Variants in CDK6 observed in about 807,000 individuals in gnomAD.
CDK6 encodes cyclin dependent kinase 6, also known as cyclin-dependent kinase 6.
A neutral mutation model predicts 37.1 loss-of-function variants in CDK6; 6 were observed. That is an observed-to-expected ratio of 0.16 (90% CI 0.09 to 0.32). The LOEUF is 0.32. CDK6 is among the 10% of genes least tolerant of loss of function. CDK6 has a pLI of 1.00. For missense variants in CDK6, 224 were observed against 418.9 expected, an observed-to-expected ratio of 0.53 and a Z score of 4.06; for synonymous variants, 160 against 161.3, an observed-to-expected ratio of 0.99 and a Z score of 0.06.
intron 4 of CDK6, among the ~76,000 whole-genome samples, chr7:92,671,845 C>A (rs535012141): frequency 2.6e-4 from 40 of 151,666 alleles, no homozygotes; most frequent in African/African-American, 8.5e-4. Context: ...TTTCTCCCCC[C>A]CTTTAAGGGC....
intron 4 of CDK6, among the ~76,000 whole-genome samples, chr7:92,676,744 C>G (rs1206091224): frequency 1.3e-5 from 2 of 151,954 alleles, no homozygotes; most frequent in Non-Finnish European, 2.9e-5. Context: ...CTAAAGAAAA[C>G]TAGTATGGTT....
At position 92,605,878 on chromosome 7, in the gene CDK6, A is replaced by G. The variant is rs1240646285; in HGVS notation, c.*9262T>C. On this transcript the variant is annotated 3_prime_UTR_variant, in exon 8 of 8. Coordinates refer to ENST00000424848, the MANE Select transcript of CDK6 (RefSeq NM_001145306.2). The stretch of plus-strand genomic sequence containing the variant: ...CGACAGGCCACTGTGGTAACTCTCA[A>G]TCTGTGTACAGAGAAAAGAGAAGCA... 1 of 233,504 alleles carries G rather than the reference A, an allele frequency of 4.3e-6. No individual in the cohort carries two copies. Among genetic ancestry groups the G allele is most frequent in the Non-Finnish European group, 8.5e-6 (1 of 118,038 alleles). The allele number at this position is 233,504 out of a possible 1,614,324, so 14.5% of individuals were successfully genotyped here. A position where few individuals can be genotyped will look rare whatever the true frequency, so the allele number is the denominator to read the frequency against.
chr7:92,799,662 T>C (rs1201268284), intron 2 of CDK6, among the ~76,000 whole-genome samples: 1 of 152,172 alleles, frequency 6.6e-6, no homozygotes, highest in Non-Finnish European at 1.5e-5. Context: ...AACAAGTCAC[T>C]TAGCTGGTGA....
chr7:92,720,037 T>C (rs1798329426), intron 4 of CDK6, among the ~76,000 whole-genome samples: 1 of 152,186 alleles, frequency 6.6e-6, no homozygotes, highest in Non-Finnish European at 1.5e-5. Context: ...TAAGCAATGA[T>C]ACTTTTATAA....
At chr7:92,740,004 T>G (rs1157182640) in intron 3 of CDK6, among the ~76,000 whole-genome samples, 1 of 152,198 alleles carries the variant, frequency 6.6e-6, no homozygotes, top group Non-Finnish European at 1.5e-5. Flanking sequence ...GTAACTCTTC[T>G]GTCTTGGCCT....
chr7:92,773,234 A>G lies in CDK6; in HGVS notation c.369+1462T>C, dbSNP rs142992862. Among the ~76,000 whole-genome samples, 1,489 of 152,312 alleles carry G rather than the reference A, an allele frequency of 9.8e-3. 23 individuals are homozygous for G. The highest frequency in any genetic ancestry group is 0.033 in the African/African-American group (1,356 of 41,554). On this transcript the variant is annotated intron_variant, in intron 3 of 7. Coordinates refer to ENST00000424848, the MANE Select transcript of CDK6 (RefSeq NM_001145306.2). ...CAGAAAACAAGATAAAGAGGTAGAG[A>G]TATGCAGAACAAGTGTTATAAGGCA...
chr7:92,689,600 T>G (rs570137671), intron 4 of CDK6, among the ~76,000 whole-genome samples: 1 of 152,314 alleles, frequency 6.6e-6, no homozygotes, highest in South Asian at 2.1e-4. Flanking sequence ...AACATGCACG[T>G]GCATGTGTCT....
chr7:92,635,741 T>A (rs1414380385), intron 5 of CDK6, among the ~76,000 whole-genome samples: 2 of 152,226 alleles, frequency 1.3e-5, no homozygotes, highest in Non-Finnish European at 2.9e-5. Context: ...TTTGGTCCTA[T>A]CTTTGGCCCA....
At chr7:92,665,235 T>C (rs1796930099) in intron 5 of CDK6, among the ~76,000 whole-genome samples, 1 of 152,098 alleles carries the variant, frequency 6.6e-6, no homozygotes, top group Admixed American at 6.5e-5. Context: ...TTTTGCTGTA[T>C]AGTTAAAAAT....
chr7:92,686,060 A>G (rs1004861444), intron 4 of CDK6, among the ~76,000 whole-genome samples: 64 of 152,220 alleles, frequency 4.2e-4, no homozygotes, highest in Admixed American at 4.2e-3. Context: ...TCTTTAAACT[A>G]AATTTGTTGG....
intron 3 of CDK6, among the ~76,000 whole-genome samples, chr7:92,763,172 C>T (rs1014094210): frequency 6.6e-6 from 1 of 152,126 alleles, no homozygotes; most frequent in African/African-American, 2.4e-5. Flanking sequence ...TTGCTAAAGG[C>T]CTAGAATGAC....
At chr7:92,659,112 A>G (rs1315553222) in intron 5 of CDK6, among the ~76,000 whole-genome samples, 2 of 152,350 alleles carry the variant, frequency 1.3e-5, no homozygotes, top group East Asian at 1.9e-4. Flanking sequence ...TGAGACTTCA[A>G]TGAGAAGGGC....
chr7:92,637,404 C>G (rs1228329856), intron 5 of CDK6, among the ~76,000 whole-genome samples: 1 of 152,096 alleles, frequency 6.6e-6, no homozygotes, highest in Non-Finnish European at 1.5e-5. Flanking sequence ...TTCTTTCAAA[C>G]TATAAAATAA....
intron 5 of CDK6, among the ~76,000 whole-genome samples, chr7:92,657,046 A>ATTTC (rs1796714888): frequency 6.6e-6 from 1 of 151,970 alleles, no homozygotes; most frequent in African/African-American, 2.4e-5. Context: ...TTGGGTCTTC[A>ATTTC]TTTCTGAAGG....
At chr7:92,679,773 T>C (rs539747303) in intron 4 of CDK6, among the ~76,000 whole-genome samples, 18 of 151,980 alleles carry the variant, frequency 1.2e-4, no homozygotes, top group Non-Finnish European at 2.5e-4. Flanking sequence ...CAAGCTGGAG[T>C]GCAGTGGTGT....
rs567444515 is a variant in CDK6 at position 92,686,382 on chromosome 7, G to C, written c.538-14847C>G. Among the ~76,000 whole-genome samples, 7 of 152,080 alleles carry C rather than the reference G, an allele frequency of 4.6e-5. No individual in the cohort carries two copies. In the South Asian group the frequency reaches 8.3e-4, roughly 18 times the overall value. ...GAGAACATACCATGTTTGGTTTAACGTTCCTGAGTTACTTCACTTAGAATA... is the reference window on the plus strand; with the variant it reads ...GAGAACATACCATGTTTGGTTTAACCTTCCTGAGTTACTTCACTTAGAATA... On this transcript the variant is annotated intron_variant, in intron 4 of 7. Coordinates refer to ENST00000424848, the MANE Select transcript of CDK6 (RefSeq NM_001145306.2).
chr7:92,623,893 G>A (rs570985847), intron 5 of CDK6, among the ~76,000 whole-genome samples: 5 of 152,132 alleles, frequency 3.3e-5, no homozygotes, highest in East Asian at 3.9e-4. Flanking sequence ...ACAAGTAAAC[G>A]TTCCCTGATT....
intron 3 of CDK6, among the ~76,000 whole-genome samples, chr7:92,770,697 T>C (rs544441951): frequency 4.1e-4 from 63 of 152,274 alleles, no homozygotes; most frequent in African/African-American, 1.2e-3. Context: ...AAAATGATGT[T>C]ACCCCTATGA....
chr7:92,632,878 C>G (rs192952241), intron 5 of CDK6, among the ~76,000 whole-genome samples: 2 of 149,960 alleles, frequency 1.3e-5, no homozygotes, highest in East Asian at 3.9e-4. Context: ...CACAGCATCA[C>G]TTCCATTCTT....
Sources: gnomAD v4.1 joint callset for allele counts (sites outside exome capture counted in the v4.1 genomes callset) on GRCh38, gnomAD v4.1.1 for gene constraint, MANE v1.5 for transcripts, NCBI Gene and HGNC (gene_info 2026-07-23, HGNC 2026-07-21) for gene names.